PTPRT: variants seen among roughly 807,000 people sequenced by gnomAD.
PTPRT encodes receptor-type tyrosine-protein phosphatase T.
Under a neutral mutation model 176.8 loss-of-function variants are expected in PTPRT, and 56 were observed. That is an observed-to-expected ratio of 0.32 (90% CI 0.26 to 0.40). The LOEUF is 0.40. Among genes scored for constraint, PTPRT ranks in the 10% least tolerant of loss-of-function variants. The pLI, the probability that PTPRT is intolerant of heterozygous loss-of-function variation, is 1.00. For missense variants in PTPRT, 1,540 were observed against 1,908.2 expected, an observed-to-expected ratio of 0.81 and a Z score of 3.60; for synonymous variants, 783 against 739.0, an observed-to-expected ratio of 1.06 and a Z score of -0.96.
chr20:42,192,145 C>T (rs936231045), intron 16 of PTPRT, among the ~76,000 whole-genome samples: 1 of 152,066 alleles, frequency 6.6e-6, no homozygotes, highest in African/African-American at 2.4e-5. Flanking sequence ...CAGAGAGAGT[C>T]CCAAGCAAAT....
intron 7 of PTPRT, among the ~76,000 whole-genome samples, chr20:42,614,159 G>C (rs1352749297): frequency 6.6e-6 from 1 of 151,976 alleles, no homozygotes; most frequent in Non-Finnish European, 1.5e-5. Context: ...GTGTTTCTTG[G>C]CTTGCAGAAG....
chr20:42,524,003 A>G (rs2072224472), intron 7 of PTPRT, among the ~76,000 whole-genome samples: 1 of 152,156 alleles, frequency 6.6e-6, no homozygotes, highest in South Asian at 2.1e-4. Flanking sequence ...TCTCTAAAAA[A>G]AAAATTGCAC....
chr20:42,702,544 C>G (rs916596207), intron 6 of PTPRT, among the ~76,000 whole-genome samples: 56 of 152,254 alleles, frequency 3.7e-4, no homozygotes, highest in African/African-American at 1.3e-3. Flanking sequence ...TTCCCCCTAG[C>G]AAAGGGAGCA....
chr20:42,514,323 G>A (rs2072019647), intron 7 of PTPRT, among the ~76,000 whole-genome samples: 1 of 152,202 alleles, frequency 6.6e-6, no homozygotes, highest in South Asian at 2.1e-4. Context: ...TATGGGATAT[G>A]AAGTCATATC....
chr20:43,181,438 C>T (rs2015255654), intron 1 of PTPRT, among the ~76,000 whole-genome samples: 1 of 152,158 alleles, frequency 6.6e-6, no homozygotes, highest in Admixed American at 6.5e-5. Flanking sequence ...CGGGACCTGA[C>T]TCTGGACCTG....
rs114621513 is a variant in PTPRT, at chr20:42,866,032, C to T, written c.214+19775G>A. On this transcript the variant is annotated intron_variant, in intron 2 of 30. Coordinates refer to ENST00000373187, the MANE Select transcript of PTPRT (RefSeq NM_007050.6). The stretch of plus-strand genomic sequence containing the variant: ...CCAAACACCCAGTGGTTCTCAAGAT[C>T]AATGTACTAAAATTGCCTGCTGTTT... Among the ~76,000 whole-genome samples, 593 of 152,320 alleles carry T rather than the reference C, an allele frequency of 3.9e-3. 3 individuals are homozygous for T. Among genetic ancestry groups the T allele is most frequent in the African/African-American group, 0.013 (552 of 41,562 alleles).
At chr20:42,817,776 A>C (rs887808535) in intron 2 of PTPRT, among the ~76,000 whole-genome samples, 27 of 152,186 alleles carry the variant, frequency 1.8e-4, no homozygotes, top group Admixed American at 1.3e-4. Context: ...GTGCCTCTTC[A>C]GGCCTAACCC....
chr20:42,806,101 CA>C (rs1385672556), intron 2 of PTPRT, among the ~76,000 whole-genome samples: 1 of 151,824 alleles, frequency 6.6e-6, no homozygotes, highest in Non-Finnish European at 1.5e-5. Context: ...AGTCAAAACC[CA>C]GCCCTCTCAT....
At chr20:42,665,406 C>A (rs2075297282) in intron 7 of PTPRT, among the ~76,000 whole-genome samples, 1 of 152,046 alleles carries the variant, frequency 6.6e-6, no homozygotes, top group Non-Finnish European at 1.5e-5. Context: ...CCATCTCACA[C>A]CAGTTAGAAT....
chr20:42,636,006 C>T (rs1286653723), intron 7 of PTPRT, among the ~76,000 whole-genome samples: 1 of 152,008 alleles, frequency 6.6e-6, no homozygotes, highest in Non-Finnish European at 1.5e-5. Flanking sequence ...GGAAAGTCAC[C>T]GAGTTAATGC....
intron 2 of PTPRT, among the ~76,000 whole-genome samples, chr20:42,883,063 G>A (rs1301525858): frequency 6.6e-6 from 1 of 152,204 alleles, no homozygotes; most frequent in East Asian, 1.9e-4. Context: ...TCAGAGCTTT[G>A]GAGACCACAA....
At chr20:42,822,340 C>T (rs755580838) in intron 2 of PTPRT, among the ~76,000 whole-genome samples, 35 of 152,166 alleles carry the variant, frequency 2.3e-4, no homozygotes, top group Non-Finnish European at 3.8e-4. Flanking sequence ...GGGATAACTG[C>T]CTAGCCAAAT....
intron 6 of PTPRT, among the ~76,000 whole-genome samples, chr20:42,737,412 C>T (rs2076556119): frequency 6.6e-6 from 1 of 152,192 alleles, no homozygotes; most frequent in South Asian, 2.1e-4. Flanking sequence ...GGGCGGATCA[C>T]CTGACGTCAG....
At chr20:42,261,291 A>G (rs750448815) in intron 13 of PTPRT, among the ~76,000 whole-genome samples, 1 of 152,076 alleles carries the variant, frequency 6.6e-6, no homozygotes, top group Non-Finnish European at 1.5e-5. Context: ...CTTTCTCCCT[A>G]TGAGTCTGTC....
intron 23 of PTPRT, among the ~76,000 whole-genome samples, chr20:42,109,112 T>C (rs914806092): frequency 6.6e-6 from 1 of 152,164 alleles, no homozygotes; most frequent in African/African-American, 2.4e-5. Flanking sequence ...ACTTGCCTTA[T>C]CTGTGAAATG....
At chr20:42,257,426 CT>C (rs935763704) in intron 13 of PTPRT, among the ~76,000 whole-genome samples, 4 of 152,162 alleles carry the variant, frequency 2.6e-5, no homozygotes, top group African/African-American at 9.6e-5. Flanking sequence ...TATATTCTCT[CT>C]TTTAATCTTC....
chr20:42,917,272 AGCTATGCG>A (rs1261677979), intron 1 of PTPRT, among the ~76,000 whole-genome samples: 2 of 152,076 alleles, frequency 1.3e-5, no homozygotes, highest in East Asian at 3.8e-4. Context: ...AGATAGTTGT[AGCTATGCG>A]GCATTATTTC....
At chr20:42,562,783 TCTC>T (rs1453245390) in intron 7 of PTPRT, among the ~76,000 whole-genome samples, 2 of 152,068 alleles carry the variant, frequency 1.3e-5, no homozygotes, top group Non-Finnish European at 2.9e-5. Flanking sequence ...GGGCTAAACA[TCTC>T]CTCCAGGGCT....
At chr20:42,435,954 G>A (rs2059258710) in intron 9 of PTPRT, among the ~76,000 whole-genome samples, 1 of 152,168 alleles carries the variant, frequency 6.6e-6, no homozygotes, top group Non-Finnish European at 1.5e-5. Context: ...AAAAATTCAT[G>A]CATATAAGAA....
Sources: allele counts gnomAD v4.1 joint callset (sites outside exome capture counted in the v4.1 genomes callset), GRCh38; gene constraint gnomAD v4.1.1; transcripts MANE v1.5; gene names NCBI Gene and HGNC (gene_info 2026-07-23, HGNC 2026-07-21).